BICD1: variants seen among roughly 807,000 people sequenced by gnomAD.
The protein encoded by BICD1 is protein bicaudal D homolog 1.
BICD1 carries 35 observed loss-of-function variants against 92.5 expected under a neutral mutation model. That is an observed-to-expected ratio of 0.38 (90% CI 0.29 to 0.50). The LOEUF is 0.50. Ranked by LOEUF, BICD1 falls within the 20% of genes least tolerant of loss-of-function variation. The pLI is 0.93. For missense variants in BICD1, 950 were observed against 1,189.8 expected (o/e 0.80, Z 2.97); for synonymous variants, 429 against 465.1 (o/e 0.92, Z 1.00).
At chr12:32,311,991 T>A (rs1277257374) in intron 4 of BICD1, among the ~76,000 whole-genome samples, 1 of 152,124 alleles carries the variant, frequency 6.6e-6, no homozygotes, top group Non-Finnish European at 1.5e-5. Flanking sequence ...CGATGAGAAT[T>A]TATGGTTTGT....
At chr12:32,134,148 T>A (rs949535777) in intron 1 of BICD1, among the ~76,000 whole-genome samples, 6 of 152,132 alleles carry the variant, frequency 3.9e-5, no homozygotes, top group African/African-American at 7.2e-5. Flanking sequence ...CACTGTAGAT[T>A]AGGAACATGG....
chr12:32,298,520 A>C (rs1382149108), intron 3 of BICD1, among the ~76,000 whole-genome samples: 3 of 138,938 alleles, frequency 2.2e-5, no homozygotes, highest in African/African-American at 8.3e-5. Context: ...AGCCGAGATC[A>C]CGCCACTGCA....
At chr12:32,227,922 A>G (rs1945752660) in intron 2 of BICD1, 1 of 168,174 alleles carries the variant, frequency 5.9e-6, no homozygotes, top group Non-Finnish European at 1.3e-5. Context: ...TTGATCTCAC[A>G]GTCCTTCATC....
At chr12:32,373,345 G>A (rs1362983400) in intron 9 of BICD1, among the ~76,000 whole-genome samples, 1 of 152,022 alleles carries the variant, frequency 6.6e-6, no homozygotes, top group Non-Finnish European at 1.5e-5. Context: ...TGTCTTACAG[G>A]TTAATTTACA....
intron 1 of BICD1, among the ~76,000 whole-genome samples, chr12:32,214,519 T>C (rs962054410): frequency 6.6e-6 from 1 of 152,356 alleles, no homozygotes; most frequent in African/African-American, 2.4e-5. Flanking sequence ...TCCTTTTAGA[T>C]ATCTCTTTCC....
In BICD1 at chr12:32,337,407, AAATTTCG is replaced by A; in HGVS notation, c.2253-91_2253-85del. The A allele has an allele frequency of 8.0e-7, 1 of 1,245,596 alleles. No homozygotes were observed. Among genetic ancestry groups the A allele is most frequent in the Non-Finnish European group, 1.1e-6 (1 of 890,664 alleles). 77.2% of individuals were successfully genotyped at this position (1,245,596 alleles called of 1,614,324 possible). A position where few individuals can be genotyped will look rare whatever the true frequency, so the allele number is the denominator to read the frequency against. Reference sequence around the variant, plus strand: ...CTTTAAACCAGTCTTCTAAATTTCTAAATTTCGGTCAAATTTATTACTTTTCAGCTTA... The same window carrying A: ...CTTTAAACCAGTCTTCTAAATTTCTAGTCAAATTTATTACTTTTCAGCTTA... On this transcript the variant is annotated intron_variant, in intron 6 of 9. Coordinates refer to ENST00000652176, the MANE Select transcript of BICD1 (RefSeq NM_001714.4). The surrounding 1 kb of genome is among the most constrained non-coding windows in gnomAD (Gnocchi z 4.7).
intron 1 of BICD1, 121 bp from the exon 2 acceptor site, chr12:32,216,126 G>C (rs934184506): frequency 8.6e-6 from 7 of 817,212 alleles, no homozygotes; most frequent in Non-Finnish European, 1.3e-5. Context: ...GTTATATTTC[G>C]GGGGTCTTGC....
At chr12:32,203,944 C>T (rs1280777172) in intron 1 of BICD1, among the ~76,000 whole-genome samples, 1 of 152,074 alleles carries the variant, frequency 6.6e-6, no homozygotes, top group African/African-American at 2.4e-5. Flanking sequence ...AAGAAACAAC[C>T]CATAAATACT....
chr12:32,277,160 G>A lies in BICD1; in HGVS notation c.427-16834G>A, dbSNP rs188664561. On this transcript the variant is annotated intron_variant, in intron 2 of 9. Transcript: ENST00000652176. Reference sequence around the variant, plus strand: ...TGTAATCCCAGCACTTTGGGAGGCCGAGGGAGGTGGATCACTTGAGGCCAG... The same window carrying A: ...TGTAATCCCAGCACTTTGGGAGGCCAAGGGAGGTGGATCACTTGAGGCCAG... Among the ~76,000 whole-genome samples the A allele has an allele frequency of 3.9e-5, 6 of 152,288 alleles. No homozygotes were observed. In the East Asian group the frequency reaches 9.6e-4, roughly 24 times the overall value.
chr12:32,370,688 T>G (rs1276796254), intron 9 of BICD1, among the ~76,000 whole-genome samples: 3 of 152,258 alleles, frequency 2.0e-5, no homozygotes, highest in African/African-American at 7.2e-5. Flanking sequence ...AAGATTCCAT[T>G]TCTTCACTTG....
intron 3 of BICD1, among the ~76,000 whole-genome samples, chr12:32,296,043 G>A (rs576136786): frequency 2.6e-4 from 40 of 152,100 alleles, no homozygotes; most frequent in Middle Eastern, 3.4e-3. Context: ...CATCAAAAAA[G>A]GGCTACTGGA....
intron 9 of BICD1, chr12:32,368,042 T>C (rs1026260299): frequency 1.1e-5 from 3 of 279,622 alleles, no homozygotes; most frequent in African/African-American, 6.4e-5. Context: ...TTCCAAAAAA[T>C]AAAAGCTGGA....
At chr12:32,140,017 C>T (rs1942858559) in intron 1 of BICD1, among the ~76,000 whole-genome samples, 1 of 152,190 alleles carries the variant, frequency 6.6e-6, no homozygotes, top group Non-Finnish European at 1.5e-5. Flanking sequence ...TTCAGTGGCT[C>T]CTGCCTTTGT....
intron 2 of BICD1, among the ~76,000 whole-genome samples, chr12:32,235,290 C>A (rs1341538349): frequency 6.6e-6 from 1 of 152,100 alleles, no homozygotes; most frequent in Admixed American, 6.6e-5. Context: ...TGTAAAATAA[C>A]CTGTCAGGAT....
chr12:32,248,191 CTG>C (rs1946438820), intron 2 of BICD1, among the ~76,000 whole-genome samples: 1 of 152,102 alleles, frequency 6.6e-6, no homozygotes, highest in Admixed American at 6.6e-5. Context: ...AAATGCAGAA[CTG>C]TGTGAGTAAA....
intron 2 of BICD1, among the ~76,000 whole-genome samples, chr12:32,255,967 T>G (rs978804505): frequency 6.6e-6 from 1 of 152,326 alleles, no homozygotes; most frequent in Admixed American, 6.5e-5. Flanking sequence ...TAATTATTAT[T>G]AATTTATCAA....
At chr12:32,367,608 G>A in intron 8 of BICD1, 62 bp from the exon 9 acceptor site, 1 of 1,496,526 alleles carries the variant, frequency 6.7e-7, no homozygotes, top group Non-Finnish European at 9.3e-7. Flanking sequence ...TTTAGTCACT[G>A]TTACTAACAC....
chr12:32,266,442 G>T (rs182182834), intron 2 of BICD1, among the ~76,000 whole-genome samples: 4 of 152,068 alleles, frequency 2.6e-5, no homozygotes, highest in Non-Finnish European at 5.9e-5. Context: ...TCTTTAATTA[G>T]GACCTAACTC....
At chr12:32,225,096 C>T (rs927748822) in intron 2 of BICD1, among the ~76,000 whole-genome samples, 1 of 152,204 alleles carries the variant, frequency 6.6e-6, no homozygotes, top group African/African-American at 2.4e-5. Flanking sequence ...CAGTGCTACT[C>T]TTTGTAGTCA....
Sources: gnomAD v4.1 joint callset for allele counts (sites outside exome capture counted in the v4.1 genomes callset) on GRCh38, gnomAD v4.1.1 for gene constraint, Gnocchi (gnomAD v3.1) non-coding constraint, MANE v1.5 for transcripts, NCBI Gene and HGNC (gene_info 2026-07-23, HGNC 2026-07-21) for gene names.